Variants in IMPA1 observed in about 807,000 individuals in gnomAD.
IMPA1 encodes D-galactose 1-phosphate phosphatase.
A neutral mutation model predicts 34.9 loss-of-function variants in IMPA1; 21 were observed. The ratio of observed to expected loss-of-function variants is 0.60; its 90% CI spans 0.43 to 0.87. The LOEUF (loss-of-function observed/expected upper bound fraction) is 0.87, where lower values mean the gene tolerates loss of function less well. Ranked by LOEUF, IMPA1 falls within the 40% of genes least tolerant of loss-of-function variation. The pLI, the probability that IMPA1 is intolerant of heterozygous loss-of-function variation, is 0.00. For synonymous variants in IMPA1, 95 were observed against 104.4 expected, an observed-to-expected ratio of 0.91 and a Z score of 0.55; for missense variants, 299 against 336.4, an observed-to-expected ratio of 0.89 and a Z score of 0.87.
At chr8:81,665,146 C>CT (rs3216582) in intron 7 of IMPA1, among the ~76,000 whole-genome samples, 11,571 of 152,132 alleles carry the variant, frequency 0.076, 591 homozygotes, top group East Asian at 0.14. Context: ...TTTGTTTTTT[C>CT]TTTTTGCTGT....
intron 4 of IMPA1, among the ~76,000 whole-genome samples, chr8:81,677,564 G>C (rs1458080884): frequency 1.3e-5 from 2 of 152,196 alleles, no homozygotes; most frequent in Non-Finnish European, 2.9e-5. Context: ...CTGAACACAG[G>C]TTGTAACTGC....
intron 3 of IMPA1, 29 bp downstream of exon 3, chr8:81,680,621 C>T (rs1033138826): frequency 1.3e-6 from 2 of 1,537,760 alleles, no homozygotes; most frequent in East Asian, 2.2e-5. Flanking sequence ...AGATAATAAA[C>T]ATTTCTTGTA....
At chr8:81,682,871 T>C (rs1046956689) in intron 1 of IMPA1, among the ~76,000 whole-genome samples, 3 of 152,190 alleles carry the variant, frequency 2.0e-5, no homozygotes, top group African/African-American at 4.8e-5. Context: ...TGAATACCTA[T>C]TGTATGCTAT....
intron 1 of IMPA1, among the ~76,000 whole-genome samples, chr8:81,684,543 A>T (rs1356959207): frequency 6.7e-4 from 5 of 7,430 alleles, no homozygotes; most frequent in South Asian, 6.3e-3. Flanking sequence ...TACTACACAT[A>T]AGTATCTTTA....
intron 3 of IMPA1, 113 bp from the exon 4 acceptor site, chr8:81,679,343 G>C (rs1807224348): frequency 1.4e-6 from 1 of 734,546 alleles, no homozygotes; most frequent in Admixed American, 2.1e-5. Flanking sequence ...GCGAGGTGTG[G>C]AGGTTCACGC....
intron 5 of IMPA1, chr8:81,674,794 C>T (rs1318320620): frequency 2.2e-6 from 1 of 455,332 alleles, no homozygotes; most frequent in Non-Finnish European, 4.4e-6. Flanking sequence ...TGGCTCCCAT[C>T]AACCTCATAA....
chr8:81,674,104 CA>C, intron 5 of IMPA1, 155 bp from the exon 6 acceptor site: 3 of 570,138 alleles, frequency 5.3e-6, no homozygotes, highest in Non-Finnish European at 9.4e-6. Context: ...CCAGACTAAT[CA>C]AGAGAAAGAG....
At chr8:81,662,535 C>T (rs1806708995) in intron 7 of IMPA1, among the ~76,000 whole-genome samples, 1 of 149,304 alleles carries the variant, frequency 6.7e-6, no homozygotes, top group Non-Finnish European at 1.5e-5. Context: ...AGATTCTGCA[C>T]TATGTGTTCT....
chr8:81,670,384 C>G (rs1321267179), intron 7 of IMPA1, among the ~76,000 whole-genome samples: 2 of 150,566 alleles, frequency 1.3e-5, no homozygotes, highest in Non-Finnish European at 3.0e-5. Context: ...GGAAACAAAC[C>G]AAAAGAAAGC....
chr8:81,663,486 A>G (rs1412318996), intron 7 of IMPA1, among the ~76,000 whole-genome samples: 1 of 152,168 alleles, frequency 6.6e-6, no homozygotes, highest in East Asian at 1.9e-4. Flanking sequence ...TTCTAGCCCT[A>G]TTTCTATCCA....
At chr8:81,681,706 C>A in intron 1 of IMPA1, 122 bp from the exon 2 acceptor site, 3 of 624,954 alleles carry the variant, frequency 4.8e-6, no homozygotes, top group Non-Finnish European at 5.7e-6. Context: ...GAGTTTTTCC[C>A]AAGATTTATG....
intron 1 of IMPA1, among the ~76,000 whole-genome samples, chr8:81,683,606 A>C (rs1040050900): frequency 1.3e-5 from 2 of 152,154 alleles, no homozygotes; most frequent in Admixed American, 1.3e-4. Flanking sequence ...AGTTTGGGAT[A>C]TAGGTAGGAG....
chr8:81,681,580 A>G lies in IMPA1; in HGVS notation c.-20T>C. On this transcript the variant is annotated 5_prime_UTR_variant, in exon 2 of 9. Coordinates refer to ENST00000256108, the MANE Select transcript of IMPA1 (RefSeq NM_005536.4). ...AGCCATCTTCTGAAAATATTTGACAAATATCTGTACAAAGTAGTTATAACT... is the reference window on the plus strand; with the variant it reads ...AGCCATCTTCTGAAAATATTTGACAGATATCTGTACAAAGTAGTTATAACT... 6.4e-7 allele frequency: 1 copy of G among 1,572,874 alleles called. No individual in the cohort carries two copies. The highest frequency in any genetic ancestry group is 8.7e-7 in the Non-Finnish European group (1 of 1,142,898).
chr8:81,660,836 T>C (rs1191510674), intron 7 of IMPA1, among the ~76,000 whole-genome samples, 169 bp from the exon 8 acceptor site: 1 of 152,176 alleles, frequency 6.6e-6, no homozygotes, highest in Non-Finnish European at 1.5e-5. Flanking sequence ...ATAAATCTAA[T>C]TATCATCGTA....
At position 81,659,193 on chromosome 8, in the gene IMPA1, G is replaced by A. The variant is rs943798573; in HGVS notation, c.*158C>T. ...TGAAACAAACATTATGTCAATTCTT[G>A]CAAACCTAGACATAGTAAAATAAGA... On this transcript the variant is annotated 3_prime_UTR_variant, in exon 9 of 9. Coordinates refer to ENST00000256108, the MANE Select transcript of IMPA1 (RefSeq NM_005536.4). 40 of 612,504 alleles carry A rather than the reference G, an allele frequency of 6.5e-5. No individual in the cohort carries two copies. Among genetic ancestry groups the A allele is most frequent in the Non-Finnish European group, 1.0e-4 (36 of 347,028 alleles). The allele number at this position is 612,504 out of a possible 1,614,324, so 37.9% of individuals were successfully genotyped here.
chr8:81,661,634 G>A (rs934760699), intron 7 of IMPA1, among the ~76,000 whole-genome samples: 1 of 152,228 alleles, frequency 6.6e-6, no homozygotes, highest in Non-Finnish European at 1.5e-5. Context: ...GGAAATTGAT[G>A]AGAAATGACA....
At chr8:81,663,668 G>A (rs190052997) in intron 7 of IMPA1, among the ~76,000 whole-genome samples, 3 of 152,266 alleles carry the variant, frequency 2.0e-5, no homozygotes, top group Admixed American at 2.0e-4. Context: ...ATATTATGTT[G>A]TTATTTACAT....
chr8:81,686,315 G>C lies in IMPA1; in HGVS notation c.-88C>G. 1.0e-6 allele frequency: 1 copy of C among 987,564 alleles called. No individual in the cohort carries two copies. The highest frequency in any genetic ancestry group is 1.2e-6 in the Non-Finnish European group (1 of 831,256). The allele number at this position is 987,564 out of a possible 1,614,324, so 61.2% of individuals were successfully genotyped here. ...GTTACCGCACTCGTCTCTTCCGGAGGTAGAGGGGCTACTCGCAACAGGAAG... is the reference window on the plus strand; with the variant it reads ...GTTACCGCACTCGTCTCTTCCGGAGCTAGAGGGGCTACTCGCAACAGGAAG... On this transcript the variant is annotated 5_prime_UTR_variant, in exon 1 of 9. Transcript: ENST00000256108.
Position 81,685,315 on chromosome 8 carries a change from T to C in IMPA1, c.-25+937A>G, listed in dbSNP as rs192288054. 1.6e-3 allele frequency among the ~76,000 whole-genome samples: 214 copies of C among 135,158 alleles called. 2 individuals are homozygous for C. The highest frequency in any genetic ancestry group is 5.6e-3 in the African/African-American group (202 of 35,770). The allele number at this position is 135,158 out of a possible 152,430, so 88.7% of individuals were successfully genotyped here. A position where few individuals can be genotyped will look rare whatever the true frequency, so the allele number is the denominator to read the frequency against. ...ATATACTATACATAGTATATTTATG[T>C]ACTATACATATAGTATATTTATATA... On this transcript the variant is annotated intron_variant, in intron 1 of 8. Coordinates refer to ENST00000256108, the MANE Select transcript of IMPA1 (RefSeq NM_005536.4).
Sources: gnomAD v4.1 joint callset for allele counts (sites outside exome capture counted in the v4.1 genomes callset) on GRCh38, gnomAD v4.1.1 for gene constraint, MANE v1.5 for transcripts, NCBI Gene and HGNC (gene_info 2026-07-23, HGNC 2026-07-21) for gene names.